The following COX15 variants were observed in gnomAD, a reference collection of about 807,000 sequenced individuals.
COX15 encodes heme A synthase COX15.
Under a neutral mutation model 51.9 loss-of-function variants are expected in COX15, and 51 were observed. That is an observed-to-expected ratio of 0.98 (90% CI 0.78 to 1.24). The LOEUF (loss-of-function observed/expected upper bound fraction) is 1.24, where lower values mean the gene tolerates loss of function less well. Ranked by LOEUF, COX15 falls within the 50% of genes most tolerant of loss-of-function variation. The pLI is 0.00. For missense variants in COX15, 420 were observed against 501.1 expected (o/e 0.84, Z 1.55); for synonymous variants, 188 against 190.5 (o/e 0.99, Z 0.11).
chr10:99,700,339 C>T, the COX15 span, among the ~76,000 whole-genome samples: 6 of 151,974 alleles, frequency 3.9e-5, no homozygotes, highest in Non-Finnish European at 8.8e-5. Flanking sequence ...CCCATATTAC[C>T]TGTTGCCCTT....
chr10:99,732,095 T>C lies in COX15; in HGVS notation c.-46A>G, dbSNP rs2037185233. On this transcript the variant is annotated 5_prime_UTR_variant, in exon 1 of 9. Coordinates refer to ENST00000016171, the MANE Select transcript of COX15 (RefSeq NM_078470.6). ...ACCTCTTCCACAACCCAGGGCTCTGTGGTCTCCCTCCTCCGCCAAGGAAAA... is the reference window on the plus strand; with the variant it reads ...ACCTCTTCCACAACCCAGGGCTCTGCGGTCTCCCTCCTCCGCCAAGGAAAA... The C allele has an allele frequency of 1.3e-6, 2 of 1,592,708 alleles. No homozygotes were observed. Among genetic ancestry groups the C allele is most frequent in the Non-Finnish European group, 1.7e-6 (2 of 1,169,248 alleles).
chr10:99,714,592 T>C lies in COX15; in HGVS notation c.1228A>G (p.Lys410Glu). Residue 410 changes from lysine to glutamate, a missense_variant, in exon 9 of 9, where the codon AAA becomes GAA. Transcript: ENST00000016171. ...GGAGGCTGGTCCTCTAAGAATCATT[T>C]TGGGACTCTTCGGAGTTCATTCATC... is the stretch of plus-strand genomic sequence containing the variant. ...WLMNELRRVP[K>E] 1.2e-6 allele frequency: 2 copies of C among 1,614,110 alleles called. No individual in the cohort carries two copies. Among genetic ancestry groups the C allele is most frequent in the Non-Finnish European group, 1.7e-6 (2 of 1,179,984 alleles).
At chr10:99,727,898 A>G (rs923852482) in intron 2 of COX15, among the ~76,000 whole-genome samples, 22 of 152,126 alleles carry the variant, frequency 1.4e-4, no homozygotes, top group Non-Finnish European at 2.9e-4. Context: ...CATAACCAAC[A>G]TTCCTTACCC....
chr10:99,710,275 C>A, downstream of COX15: 1 of 985,400 alleles, frequency 1.0e-6, no homozygotes, highest in Non-Finnish European at 1.2e-6. Context: ...GCAGGGATCC[C>A]AGACACATAC....
the COX15 span, chr10:99,702,493 A>G: frequency 6.6e-7 from 1 of 1,511,900 alleles, no homozygotes; most frequent in Non-Finnish European, 8.8e-7. Flanking sequence ...TTTAAAATTT[A>G]ATTATTTTTG....
At chr10:99,698,523 C>G in the COX15 span, 1 of 1,605,814 alleles carries the variant, frequency 6.2e-7, no homozygotes, top group Admixed American at 1.7e-5. Flanking sequence ...TTGTTTTTGT[C>G]ATTGTGGCAG....
intron 5 of COX15, 68 bp from the exon 6 acceptor site, chr10:99,721,136 T>G: frequency 1.8e-5 from 24 of 1,308,298 alleles, no homozygotes; most frequent in African/African-American, 2.9e-5. Context: ...CAAAGATCTC[T>G]AAGGCCAAAC....
intron 8 of COX15, 62 bp downstream of exon 8, chr10:99,716,286 C>T: frequency 8.3e-7 from 1 of 1,201,734 alleles, no homozygotes; most frequent in Non-Finnish European, 1.2e-6. Flanking sequence ...AGCCACTGTG[C>T]CCGGCCCCTT....
In COX15 at chr10:99,731,895, T is replaced by C. The variant is rs1186784348; in HGVS notation, c.90+65A>G. 7.7e-6 allele frequency: 12 copies of C among 1,551,212 alleles called. No individual in the cohort carries two copies. The African/African-American group carries it at 1.2e-4, about 16-fold the overall frequency. ...AAACGTGATGTGGGGCTCTACATTA[T>C]CTTTATCCCGGCCCTTTCACTCCAT... On this transcript the variant is annotated intron_variant, in intron 1 of 8. Transcript: ENST00000016171.
At chr10:99,704,499 G>A in the COX15 span, 20 of 1,614,092 alleles carry the variant, frequency 1.2e-5, no homozygotes, top group Admixed American at 1.0e-4. Flanking sequence ...AGCTGGTTCC[G>A]TCTCTCCTTT....
rs1490362485 is a variant in COX15 at position 99,724,092 on chromosome 10, C to T, written c.614G>A (p.Gly205Glu). ...GLLGWYMVKS[G>E]LEEKSDSHDI... is the part of the protein sequence containing the mutation. Reference sequence around the variant, plus strand: ...ATGGGAGTCTGATTTTTCTTCTAGTCCACTTTTCACCATATACCATCCCAA... The same window carrying T: ...ATGGGAGTCTGATTTTTCTTCTAGTTCACTTTTCACCATATACCATCCCAA... The change falls in exon 5 of 9, where the codon GGA becomes GAA. Residue 205 changes from glycine to glutamate, a missense_variant. Coordinates refer to ENST00000016171, the MANE Select transcript of COX15 (RefSeq NM_078470.6). 2 of 1,614,118 alleles carry T rather than the reference C, an allele frequency of 1.2e-6. No homozygotes were observed. Among genetic ancestry groups the T allele is most frequent in the Non-Finnish European group, 1.7e-6 (2 of 1,180,016 alleles).
chr10:99,709,306 T>G, downstream of COX15: 2 of 985,414 alleles, frequency 2.0e-6, no homozygotes, highest in Non-Finnish European at 2.4e-6. Context: ...AGTATCTAAT[T>G]GTCCTTTTTG....
chr10:99,709,172 G>A (rs2133545100), downstream of COX15: 1 of 985,204 alleles, frequency 1.0e-6, no homozygotes, highest in East Asian at 1.1e-4. Flanking sequence ...AGGTATAAAT[G>A]CCTATTACAT....
At chr10:99,726,005 T>C (rs2133615334) in intron 4 of COX15, among the ~76,000 whole-genome samples, 1 of 152,252 alleles carries the variant, frequency 6.6e-6, no homozygotes, top group Non-Finnish European at 1.5e-5. Context: ...TCTTCTCTTT[T>C]AATTTGTTGC....
chr10:99,698,777 C>T, the COX15 span: 77 of 1,613,660 alleles, frequency 4.8e-5, no homozygotes, highest in Non-Finnish European at 5.6e-5. Context: ...TCTACGGCTT[C>T]TCTGAGTTTT....
At chr10:99,706,917 T>G (rs1008561884), downstream of COX15, among the ~76,000 whole-genome samples, 1 of 152,228 alleles carries the variant, frequency 6.6e-6, no homozygotes, top group Non-Finnish European at 1.5e-5. Flanking sequence ...ATCATGTTCA[T>G]GTGCTAAAAA....
At position 99,717,635 on chromosome 10, in the gene COX15, G is replaced by A. The variant is rs553949628; in HGVS notation, c.987+711C>T. Among the ~76,000 whole-genome samples the A allele has an allele frequency of 1.7e-3, 260 of 152,162 alleles. 1 individual carries two copies. The highest frequency in any genetic ancestry group is 0.01 in the Middle Eastern group (3 of 294). ...AAACTCCTGCTCAAACAATCCTCTC[G>A]CCTCAGCCTCCCAAAGTGCTAGGAT... On this transcript the variant is annotated intron_variant, in intron 7 of 8. Transcript: ENST00000016171.
chr10:99,711,842 A>C lies in COX15; in HGVS notation c.*2745T>G, dbSNP rs952880831. 3.9e-5 allele frequency: 38 copies of C among 983,564 alleles called. No individual in the cohort carries two copies. The African/African-American group carries it at 5.6e-4, about 14-fold the overall frequency. 60.9% of individuals were successfully genotyped at this position (983,564 alleles called of 1,614,324 possible). ...TGCATTGCTATAAGGAAATACTGAC[A>C]ATTTTTAGAAAGAAAAGAGGTTTAT... On this transcript the variant is annotated 3_prime_UTR_variant, in exon 9 of 9. Transcript: ENST00000016171.
In COX15 at chr10:99,713,884, G is replaced by T; in HGVS notation, c.*703C>A. 1 of 549,174 alleles carries T rather than the reference G, an allele frequency of 1.8e-6. No homozygotes were observed. Among genetic ancestry groups the T allele is most frequent in the Non-Finnish European group, 2.4e-6 (1 of 408,584 alleles). 34.0% of individuals were successfully genotyped at this position (549,174 alleles called of 1,614,324 possible). A position where few individuals can be genotyped will look rare whatever the true frequency, so the allele number is the denominator to read the frequency against. On this transcript the variant is annotated 3_prime_UTR_variant, in exon 9 of 9. Transcript: ENST00000016171. ...CTCGGGAGGCTGAGGCATGAGAATC[G>T]CTTGAACCTGGGAAGTGGAGGTTGC...
Sources: allele counts gnomAD v4.1 joint callset (sites outside exome capture counted in the v4.1 genomes callset), GRCh38; gene constraint gnomAD v4.1.1; transcripts MANE v1.5; gene names NCBI Gene and HGNC (gene_info 2026-07-23, HGNC 2026-07-21).